PTPN14: variants seen among roughly 807,000 people sequenced by gnomAD.
The protein encoded by PTPN14 is protein tyrosine phosphatase non-receptor type 14, also known as tyrosine-protein phosphatase non-receptor type 14.
A neutral mutation model predicts 126.8 loss-of-function variants in PTPN14; 53 were observed. That is an observed-to-expected ratio of 0.42 (90% CI 0.34 to 0.53). The LOEUF (loss-of-function observed/expected upper bound fraction) is 0.53, where lower values mean the gene tolerates loss of function less well. Ranked by LOEUF, PTPN14 falls within the 20% of genes least tolerant of loss-of-function variation. The pLI, the probability that PTPN14 is intolerant of heterozygous loss-of-function variation, is 0.08. For synonymous variants in PTPN14, 630 were observed against 599.3 expected (o/e 1.05, Z -0.75); for missense variants, 1,257 against 1,552.9 (o/e 0.81, Z 3.20).
chr1:214,531,141 T>C (rs1188644595), intron 1 of PTPN14: 5 of 152,100 alleles, frequency 3.3e-5, no homozygotes, highest in African/African-American at 7.2e-5. Context: ...TCTATTCAAG[T>C]TCACATTTCT....
intron 1 of PTPN14, among the ~76,000 whole-genome samples, chr1:214,521,628 C>A (rs1453304853): frequency 6.6e-6 from 1 of 151,958 alleles, no homozygotes; most frequent in Non-Finnish European, 1.5e-5. Context: ...GACAGGAGAA[C>A]CGCCTGAACC....
chr1:214,409,261 C>A (rs1313258146), intron 5 of PTPN14, among the ~76,000 whole-genome samples: 2 of 152,238 alleles, frequency 1.3e-5, no homozygotes, highest in African/African-American at 4.8e-5. Flanking sequence ...TTGGTAACCA[C>A]CATTCCACTC....
chr1:214,368,895 T>C (rs1451194347), intron 17 of PTPN14, among the ~76,000 whole-genome samples: 3 of 152,102 alleles, frequency 2.0e-5, no homozygotes, highest in African/African-American at 4.8e-5. Flanking sequence ...GGCAGGAGAA[T>C]TGCTTGAATC....
intron 1 of PTPN14, among the ~76,000 whole-genome samples, chr1:214,480,279 T>C (rs1441668457): frequency 6.6e-6 from 1 of 152,252 alleles, no homozygotes. Context: ...ATGACTATGA[T>C]TTCCATTTCT....
intron 5 of PTPN14, among the ~76,000 whole-genome samples, chr1:214,409,284 A>C (rs76523698): frequency 0.01 from 1,572 of 152,300 alleles, 34 homozygotes; most frequent in African/African-American, 0.036. Context: ...TACATCTATA[A>C]GTTCAACTTC....
intron 1 of PTPN14, among the ~76,000 whole-genome samples, chr1:214,503,922 T>C (rs1289226649): frequency 2.0e-5 from 3 of 152,224 alleles, no homozygotes. Flanking sequence ...GAGCAAATGA[T>C]GCTTCTTGGG....
intron 1 of PTPN14, among the ~76,000 whole-genome samples, chr1:214,520,065 A>AAAAATAT: frequency 8.4e-5 from 6 of 71,112 alleles, no homozygotes; most frequent in African/African-American, 3.7e-4. Context: ...AAAAAAAAAA[A>AAAAATAT]ATATATATAT....
At chr1:214,388,919 G>C (rs559871842) in intron 11 of PTPN14, among the ~76,000 whole-genome samples, 1 of 151,490 alleles carries the variant, frequency 6.6e-6, no homozygotes, top group Non-Finnish European at 1.5e-5. Context: ...CTTCAAAGGG[G>C]TAATAAAAAA....
intron 3 of PTPN14, among the ~76,000 whole-genome samples, chr1:214,445,125 T>C (rs925206544): frequency 2.0e-5 from 3 of 152,212 alleles, no homozygotes; most frequent in Admixed American, 6.5e-5. Context: ...CAGTTTTACC[T>C]GGCTGACTAG....
At chr1:214,491,617 A>T (rs4130486) in intron 1 of PTPN14, among the ~76,000 whole-genome samples, 7 of 152,124 alleles carry the variant, frequency 4.6e-5, no homozygotes, top group African/African-American at 1.7e-4. Flanking sequence ...GAGCTCAGGC[A>T]GTACTCACCT....
chr1:214,508,624 T>C (rs1189641892), intron 1 of PTPN14, among the ~76,000 whole-genome samples: 4 of 152,188 alleles, frequency 2.6e-5, no homozygotes, highest in Non-Finnish European at 2.9e-5. Flanking sequence ...TAACCTCCTC[T>C]CGTGAATTGG....
At chr1:214,461,385 C>A (rs1660509017) in intron 2 of PTPN14, among the ~76,000 whole-genome samples, 1 of 152,130 alleles carries the variant, frequency 6.6e-6, no homozygotes, top group South Asian at 2.1e-4. Context: ...ATAATCCCAG[C>A]ACTTTGGGAG....
intron 1 of PTPN14, among the ~76,000 whole-genome samples, chr1:214,476,684 C>G (rs1045515801): frequency 1.1e-4 from 16 of 152,292 alleles, no homozygotes; most frequent in Middle Eastern, 3.4e-3. Flanking sequence ...ACCAGCAAGC[C>G]TCACCCAGAA....
chr1:214,455,704 T>C (rs1660366585), intron 2 of PTPN14, among the ~76,000 whole-genome samples: 1 of 152,204 alleles, frequency 6.6e-6, no homozygotes, highest in Non-Finnish European at 1.5e-5. Flanking sequence ...CATTTTTATG[T>C]GAGCAGCTTC....
intron 1 of PTPN14, among the ~76,000 whole-genome samples, chr1:214,513,951 G>A (rs1237695881): frequency 6.6e-6 from 1 of 152,116 alleles, no homozygotes; most frequent in Non-Finnish European, 1.5e-5. Flanking sequence ...AGCAGCAGCA[G>A]CAGCAGGATT....
chr1:214,534,450 A>C (rs1655646975), intron 1 of PTPN14, among the ~76,000 whole-genome samples: 1 of 152,162 alleles, frequency 6.6e-6, no homozygotes, highest in Non-Finnish European at 1.5e-5. Context: ...GCGGTGGCTC[A>C]AGCCTGTAAT....
At chr1:214,494,502 T>C (rs1042057025) in intron 1 of PTPN14, among the ~76,000 whole-genome samples, 1 of 152,212 alleles carries the variant, frequency 6.6e-6, no homozygotes, top group Admixed American at 6.5e-5. Flanking sequence ...TTGGTCAAAA[T>C]AGGAACAAGC....
chr1:214,458,001 CTATATCTATATCTATAT>C (rs1660420016), intron 2 of PTPN14, among the ~76,000 whole-genome samples: 1 of 4,224 alleles, frequency 2.4e-4, no homozygotes. Context: ...TCATCTATAT[CTATATCTATATCTATAT>C]CTATATCTAT....
chr1:214,413,180 C>A (rs114371501), intron 4 of PTPN14, among the ~76,000 whole-genome samples: 2 of 152,036 alleles, frequency 1.3e-5, no homozygotes, highest in African/African-American at 4.8e-5. Flanking sequence ...CCCAGCCCAA[C>A]GAAAGCTTTT....
Sources: allele counts gnomAD v4.1 joint callset (sites outside exome capture counted in the v4.1 genomes callset), GRCh38; gene constraint gnomAD v4.1.1; transcripts MANE v1.5; gene names NCBI Gene and HGNC (gene_info 2026-07-23, HGNC 2026-07-21).